Variants in MAF observed in about 807,000 individuals in gnomAD.
MAF encodes transcription factor Maf.
MAF carries 10 observed loss-of-function variants against 22.0 expected under a neutral mutation model. That is an observed-to-expected ratio of 0.45 (90% CI 0.28 to 0.77). The LOEUF (loss-of-function observed/expected upper bound fraction) is 0.77. Among genes scored for constraint, MAF ranks in the 30% least tolerant of loss-of-function variants. The pLI, the probability that MAF is intolerant of heterozygous loss-of-function variation, is 0.12. For synonymous variants in MAF, 337 were observed against 255.8 expected, an observed-to-expected ratio of 1.32 and a Z score of -3.03; for missense variants, 544 against 548.4, an observed-to-expected ratio of 0.99 and a Z score of 0.08.
At chr16:79,571,880 TC>T in the MAF span, among the ~76,000 whole-genome samples, 1 of 152,124 alleles carries the variant, frequency 6.6e-6, no homozygotes. Context: ...TTCCAGGACT[TC>T]CCCCAAGTGC....
the MAF span, among the ~76,000 whole-genome samples, chr16:79,367,311 A>G: frequency 6.6e-6 from 1 of 152,190 alleles, no homozygotes; most frequent in Non-Finnish European, 1.5e-5. Context: ...ACCTTGTCTT[A>G]TGACAGCTGC....
chr16:79,340,248 C>A, the MAF span, among the ~76,000 whole-genome samples: 1 of 152,024 alleles, frequency 6.6e-6, no homozygotes, highest in African/African-American at 2.4e-5. Flanking sequence ...AGCACCTTCT[C>A]TACCTCTTCC....
chr16:79,258,773 C>A, the MAF span, among the ~76,000 whole-genome samples: 39 of 152,308 alleles, frequency 2.6e-4, no homozygotes, highest in African/African-American at 8.9e-4. Context: ...GAGCCTGCTC[C>A]AACCCTGTTG....
At chr16:79,350,866 A>AGTGTGTGTGTGT in the MAF span, among the ~76,000 whole-genome samples, 11 of 148,406 alleles carry the variant, frequency 7.4e-5, no homozygotes, top group African/African-American at 1.5e-4. Context: ...AACAGTGAGA[A>AGTGTGTGTGTGT]GTGTGTGTGT....
chr16:79,267,168 C>A, the MAF span, among the ~76,000 whole-genome samples: 2 of 152,220 alleles, frequency 1.3e-5, no homozygotes, highest in African/African-American at 2.4e-5. Context: ...GCTGAAGTTA[C>A]AGGTCACCAT....
In MAF at chr16:79,599,531, G is replaced by C. The variant is rs1158518213; in HGVS notation, c.372C>G (p.Leu124=). ...GCGCGTAGCCATCGAAGCCGCCCTGGAGCTGGTGGCTGTTGCTGATGAGCG... is the reference window on the plus strand; with the variant it reads ...GCGCGTAGCCATCGAAGCCGCCCTGCAGCTGGTGGCTGTTGCTGATGAGCG... ...VEALISNSHQ[L]QGGFDGYARG... is the part of the protein sequence containing the mutation. The change falls in exon 1 of 2, where the codon CTC becomes CTG. Residue 124 remains leucine (L), a synonymous_variant. Transcript: ENST00000326043. 2 of 1,556,874 alleles carry C rather than the reference G, an allele frequency of 1.3e-6. No homozygotes were observed. The highest frequency in any genetic ancestry group is 1.4e-5 in the African/African-American group (1 of 73,788).
chr16:79,433,306 G>A, the MAF span, among the ~76,000 whole-genome samples: 1 of 148,374 alleles, frequency 6.7e-6, no homozygotes, highest in South Asian at 2.1e-4. Flanking sequence ...ATAATACTAT[G>A]ACCAGAAAAA....
the MAF span, among the ~76,000 whole-genome samples, chr16:79,462,072 C>T: frequency 7.2e-5 from 11 of 152,136 alleles, no homozygotes; most frequent in African/African-American, 1.2e-4. Context: ...CTGTTTTCCC[C>T]GCCTCCCCTC....
At chr16:79,204,954 G>T in the MAF span, 1 of 152,050 alleles carries the variant, frequency 6.6e-6, no homozygotes, top group Non-Finnish European at 1.5e-5. Context: ...AAACTTCTTA[G>T]TGCTCTTGCA....
chr16:79,373,065 T>C, the MAF span, among the ~76,000 whole-genome samples: 1 of 152,164 alleles, frequency 6.6e-6, no homozygotes, highest in Non-Finnish European at 1.5e-5. Flanking sequence ...TGTTAGCTGT[T>C]TTGAAAGAAT....
chr16:79,560,712 C>T, the MAF span, among the ~76,000 whole-genome samples: 2 of 152,190 alleles, frequency 1.3e-5, no homozygotes, highest in South Asian at 4.2e-4. Flanking sequence ...AGGAATGAGC[C>T]TAGAAGTCAC....
chr16:79,219,400 A>T, the MAF span, among the ~76,000 whole-genome samples: 1 of 152,008 alleles, frequency 6.6e-6, no homozygotes, highest in Admixed American at 6.6e-5. Context: ...TTGTACAAAA[A>T]ATTAGCCAGG....
the MAF span, among the ~76,000 whole-genome samples, chr16:79,246,868 C>T: frequency 1.3e-5 from 2 of 151,760 alleles, no homozygotes; most frequent in African/African-American, 4.9e-5. Flanking sequence ...AATAATTTTC[C>T]ATCTACCTTT....
At chr16:79,546,377 C>T in the MAF span, among the ~76,000 whole-genome samples, 11 of 152,094 alleles carry the variant, frequency 7.2e-5, no homozygotes, top group Admixed American at 6.5e-4. Context: ...GTCATATAAC[C>T]TAATTTATGC....
the MAF span, among the ~76,000 whole-genome samples, chr16:79,335,195 A>G: frequency 2.6e-5 from 4 of 151,724 alleles, no homozygotes; most frequent in African/African-American, 9.7e-5. Flanking sequence ...AAAAAAAAAA[A>G]AAAAGAAAGA....
At chr16:79,534,471 T>A in the MAF span, among the ~76,000 whole-genome samples, 1 of 151,898 alleles carries the variant, frequency 6.6e-6, no homozygotes, top group East Asian at 1.9e-4. Context: ...TACAGGTGAG[T>A]GTTGATGAAT....
chr16:79,459,555 C>T, the MAF span, among the ~76,000 whole-genome samples: 1 of 152,006 alleles, frequency 6.6e-6, no homozygotes. Flanking sequence ...CTCTTTATTT[C>T]AATAAGTTCT....
the MAF span, among the ~76,000 whole-genome samples, chr16:79,551,450 C>T: frequency 6.6e-6 from 1 of 152,188 alleles, no homozygotes; most frequent in South Asian, 2.1e-4. Context: ...AAGCTTGAGT[C>T]CCACTCTCTC....
the MAF span, among the ~76,000 whole-genome samples, chr16:79,497,876 C>A: frequency 1.2e-3 from 177 of 152,360 alleles, no homozygotes; most frequent in Non-Finnish European, 1.9e-3. Flanking sequence ...GCTCACCTAT[C>A]TGTTGTTCCC....
Sources: gnomAD v4.1 joint callset for allele counts (sites outside exome capture counted in the v4.1 genomes callset) on GRCh38, gnomAD v4.1.1 for gene constraint, MANE v1.5 for transcripts, NCBI Gene and HGNC (gene_info 2026-07-23, HGNC 2026-07-21) for gene names.